Variants in NCALD observed in about 807,000 individuals in gnomAD.
The protein encoded by NCALD is neurocalcin delta.
A neutral mutation model predicts 18.6 loss-of-function variants in NCALD; 10 were observed. The observed-to-expected ratio is 0.54, with a 90% CI of 0.33 to 0.91. The LOEUF is 0.91. Ranked by LOEUF, NCALD falls within the 40% of genes least tolerant of loss-of-function variation. The pLI is 0.03. For missense variants in NCALD, 184 were observed against 247.6 expected (o/e 0.74, Z 1.72); for synonymous variants, 88 against 87.4 (o/e 1.01, Z -0.04).
At chr8:101,777,132 C>A (rs1261974635) in intron 1 of NCALD, among the ~76,000 whole-genome samples, 1 of 152,180 alleles carries the variant, frequency 6.6e-6, no homozygotes. Context: ...AAGGAGGTCA[C>A]TAGCCCCATC....
chr8:101,954,973 C>T (rs914472569), intron 2 of NCALD, among the ~76,000 whole-genome samples: 1 of 152,088 alleles, frequency 6.6e-6, no homozygotes, highest in Admixed American at 6.5e-5. Context: ...GGAGCTCTGA[C>T]CCATTTTGGC....
At chr8:102,048,576 A>AT (rs1415540886) in intron 1 of NCALD, among the ~76,000 whole-genome samples, 2 of 152,248 alleles carry the variant, frequency 1.3e-5, no homozygotes, top group Non-Finnish European at 2.9e-5. Flanking sequence ...AACATGAGAA[A>AT]TATCTATAGG....
At chr8:101,895,919 C>T (rs1462313745) in intron 3 of NCALD, among the ~76,000 whole-genome samples, 60 of 150,382 alleles carry the variant, frequency 4.0e-4, no homozygotes, top group East Asian at 1.7e-3. Flanking sequence ...GAATCAATAT[C>T]GTGAAAATGG....
chr8:101,995,115 T>C (rs76054612), intron 2 of NCALD, among the ~76,000 whole-genome samples: 5,947 of 152,296 alleles, frequency 0.039, 148 homozygotes, highest in East Asian at 0.091. Flanking sequence ...CATCAAATTA[T>C]ATTACAATAG....
chr8:102,022,782 A>G (rs1203205418), intron 1 of NCALD, among the ~76,000 whole-genome samples: 1 of 152,158 alleles, frequency 6.6e-6, no homozygotes, highest in African/African-American at 2.4e-5. Flanking sequence ...GGAAGAAGGT[A>G]TGGAGAGAAA....
chr8:101,937,078 G>A (rs1818790640), intron 2 of NCALD, among the ~76,000 whole-genome samples: 1 of 152,086 alleles, frequency 6.6e-6, no homozygotes, highest in Admixed American at 6.6e-5. Context: ...ATGTTTTCTT[G>A]TGAATGAATA....
In NCALD at chr8:101,807,236, T is replaced by C. The variant is rs867065939; in HGVS notation, c.-20+79905A>G. On this transcript the variant is annotated intron_variant, in intron 4 of 6. Transcript: ENST00000311028. ...AAGGTAATTGTGTAATTATAAAAGA[T>C]GTCACAAATGCATATTTCTTCTTCT... is the stretch of plus-strand genomic sequence containing the variant. 2.0e-5 allele frequency among the ~76,000 whole-genome samples: 3 copies of C among 152,150 alleles called. No individual in the cohort carries two copies. In the South Asian group the frequency reaches 6.2e-4, roughly 31 times the overall value.
intron 1 of NCALD, among the ~76,000 whole-genome samples, chr8:102,046,937 C>A (rs1823266298): frequency 6.6e-6 from 1 of 152,030 alleles, no homozygotes; most frequent in Admixed American, 6.6e-5. Flanking sequence ...AGCCCAGTAC[C>A]CAAGAGTTAA....
chr8:101,917,468 AAAAT>A (rs1467094242), intron 2 of NCALD, among the ~76,000 whole-genome samples: 2 of 152,198 alleles, frequency 1.3e-5, no homozygotes, highest in Admixed American at 1.3e-4. Context: ...CTAGCAGAAG[AAAAT>A]AAATAAAATC....
intron 4 of NCALD, among the ~76,000 whole-genome samples, chr8:101,850,759 T>C (rs543331588): frequency 6.7e-6 from 1 of 150,078 alleles, no homozygotes; most frequent in Non-Finnish European, 1.5e-5. Context: ...GCTCTTCTGA[T>C]TTTTTTTAAG....
chr8:101,944,241 T>C (rs1819079308), intron 2 of NCALD, among the ~76,000 whole-genome samples: 1 of 152,198 alleles, frequency 6.6e-6, no homozygotes, highest in African/African-American at 2.4e-5. Flanking sequence ...GCCTGCTTTG[T>C]AGCTAACTGG....
chr8:101,828,513 T>G (rs968240544), intron 4 of NCALD, among the ~76,000 whole-genome samples: 25 of 152,106 alleles, frequency 1.6e-4, no homozygotes, highest in African/African-American at 6.0e-4. Context: ...CTCTGATGAC[T>G]GAAGTTAAAA....
chr8:101,784,899 T>C (rs1233742760), intron 1 of NCALD, among the ~76,000 whole-genome samples: 2 of 152,172 alleles, frequency 1.3e-5, no homozygotes, highest in African/African-American at 4.8e-5. Flanking sequence ...GAAAATACAA[T>C]ATATAATAGT....
intron 4 of NCALD, among the ~76,000 whole-genome samples, chr8:101,823,242 CGCTATTAGCAAG>C (rs1813794889): frequency 6.6e-6 from 1 of 152,094 alleles, no homozygotes; most frequent in African/African-American, 2.4e-5. Context: ...GTTTTCCTCC[CGCTATTAGCAAG>C]GCCATTTTTT....
intron 1 of NCALD, among the ~76,000 whole-genome samples, chr8:102,108,940 T>A (rs536237653): frequency 2.0e-5 from 3 of 152,202 alleles, no homozygotes; most frequent in Non-Finnish European, 4.4e-5. Context: ...GGAATAACCA[T>A]GCGTGAATCA....
chr8:101,971,157 T>C (rs1438113502), intron 2 of NCALD, among the ~76,000 whole-genome samples: 1 of 152,112 alleles, frequency 6.6e-6, no homozygotes, highest in African/African-American at 2.4e-5. Flanking sequence ...AAACCTCTTT[T>C]CTTTATGAAT....
chr8:102,044,314 G>T (rs1823161161), intron 1 of NCALD, among the ~76,000 whole-genome samples: 1 of 151,954 alleles, frequency 6.6e-6, no homozygotes, highest in African/African-American at 2.4e-5. Context: ...GGAATGTGAG[G>T]ACACACGGAA....
At chr8:101,724,190 TCA>T (rs59538831) in intron 1 of NCALD, among the ~76,000 whole-genome samples, 2,387 of 152,340 alleles carry the variant, frequency 0.016, 57 homozygotes, top group African/African-American at 0.055. Context: ...TTTTTTCTAA[TCA>T]CAGTTTTTCT....
intron 4 of NCALD, among the ~76,000 whole-genome samples, chr8:101,836,477 G>A (rs1413788798): frequency 6.6e-6 from 1 of 152,062 alleles, no homozygotes; most frequent in African/African-American, 2.4e-5. Context: ...TCTGTGTCTT[G>A]GGGAATCCCT....
Sources: allele counts gnomAD v4.1 joint callset (sites outside exome capture counted in the v4.1 genomes callset), GRCh38; gene constraint gnomAD v4.1.1; transcripts MANE v1.5; gene names NCBI Gene and HGNC (gene_info 2026-07-23, HGNC 2026-07-21).